The following PPEF1 variants were observed in gnomAD, a reference collection of about 807,000 sequenced individuals.
PPEF1 encodes the protein protein phosphatase with EF-hand domain 1.
A neutral mutation model predicts 53.3 loss-of-function variants in PPEF1; 12 were observed. The observed-to-expected ratio is 0.23, with a 90% confidence interval of 0.14 to 0.36. The LOEUF is 0.36. Ranked by LOEUF, PPEF1 falls within the 10% of genes least tolerant of loss-of-function variation. The pLI is 1.00. For synonymous variants in PPEF1, 165 were observed against 176.7 expected (o/e 0.93, Z 0.52); for missense variants, 334 against 490.4 (o/e 0.68, Z 3.01).
At chrX:18,812,806 T>G (rs1464970513) in intron 12 of PPEF1, among the ~76,000 whole-genome samples, 1 of 111,068 alleles carries the variant, frequency 9.0e-6, no homozygotes, top group Non-Finnish European at 1.9e-5. Context: ...TCTCACTCAG[T>G]CACCCAGGCT....
Position 18,761,582 on chromosome X carries a change from T to C in PPEF1, c.558+6T>C. 8.4e-7 allele frequency: 1 copy of C among 1,197,320 alleles called. No individual in the cohort carries two copies. Among genetic ancestry groups the C allele is most frequent in the Non-Finnish European group, 1.1e-6 (1 of 882,701 alleles). ...TTTTTTTGATCTTCTACAAGGTAAA[T>C]GATGATTTTGCTAAATATTAACATT... On this transcript the variant is annotated splice_donor_region_variant and intron_variant, in intron 6 of 15. Transcript: ENST00000470157.
intron 3 of PPEF1, chrX:18,688,890 G>T (rs1242149689): frequency 9.0e-6 from 1 of 111,535 alleles, no homozygotes; most frequent in Non-Finnish European, 1.9e-5. Context: ...ACAGTTGGTT[G>T]AGTTTATCCA....
chrX:18,795,265 G>GCACGAT (rs933017057), intron 10 of PPEF1, among the ~76,000 whole-genome samples: 11 of 112,234 alleles, frequency 9.8e-5, no homozygotes, highest in African/African-American at 3.6e-4. Context: ...AGCTGAGATC[G>GCACGAT]TGCCACTGCA....
chrX:18,722,599 A>AAATG (rs1170779529), intron 1 of PPEF1, among the ~76,000 whole-genome samples: 1 of 112,612 alleles, frequency 8.9e-6, no homozygotes, highest in Non-Finnish European at 1.9e-5. Context: ...ACAAAGTCTT[A>AAATG]ACTAAACAGT....
chrX:18,772,074 G>A (rs2045881407), intron 6 of PPEF1, among the ~76,000 whole-genome samples: 1 of 111,918 alleles, frequency 8.9e-6, no homozygotes, highest in African/African-American at 3.2e-5. Flanking sequence ...GCTTGAGCCT[G>A]GGAGGCAGAG....
chrX:18,717,069 T>A (rs1216978682), intron 1 of PPEF1, among the ~76,000 whole-genome samples: 1 of 95,489 alleles, frequency 1.0e-5, no homozygotes, highest in Admixed American at 1.1e-4. Flanking sequence ...CCTTTTTCCT[T>A]TTTTTTTTTT....
chrX:18,716,424 C>T (rs764943559), intron 1 of PPEF1, among the ~76,000 whole-genome samples: 69 of 104,364 alleles, frequency 6.6e-4, no homozygotes, highest in Non-Finnish European at 1.1e-3. Context: ...CCCAGCTCCT[C>T]GGGAGGCTGA....
intron 4 of PPEF1, among the ~76,000 whole-genome samples, chrX:18,755,578 A>C (rs757725501): frequency 6.8e-4 from 70 of 102,603 alleles, no homozygotes; most frequent in East Asian, 1.7e-3. Flanking sequence ...CCCAGCCCCC[A>C]AAAAAAGAGT....
In PPEF1 at chrX:18,816,595, C is replaced by T. The variant is rs927686049; in HGVS notation, c.1395-1444C>T. Among the ~76,000 whole-genome samples the T allele has an allele frequency of 2.7e-5, 3 of 111,376 alleles. No individual in the cohort carries two copies. In the Admixed American group the frequency reaches 2.9e-4, roughly 11 times the overall value. On this transcript the variant is annotated intron_variant, in intron 12 of 15. Coordinates refer to ENST00000470157, the MANE Select transcript of PPEF1 (RefSeq NM_001377996.1). The stretch of plus-strand genomic sequence containing the variant: ...GACTTCTCTTTCCATGTTGATTTTC[C>T]ACCTAGTTGTTTCATCCATTACTGA...
At chrX:18,683,734 C>G (rs533022626) in intron 1 of PPEF1, among the ~76,000 whole-genome samples, 2 of 111,849 alleles carry the variant, frequency 1.8e-5, no homozygotes, top group East Asian at 5.6e-4. Context: ...GGTATCCCCC[C>G]TTTTGCCCAT....
chrX:18,826,613 G>A (rs2047173810), intron 15 of PPEF1, among the ~76,000 whole-genome samples: 1 of 107,633 alleles, frequency 9.3e-6, no homozygotes. Context: ...TTTTAGTAGA[G>A]ATGGGGTTCT....
At position 18,806,619 on chromosome X, in the gene PPEF1, G is replaced by A. The variant is rs1184918017; in HGVS notation, c.1394+74G>A. ...TAGAACCAGTCCCACGTGACTAAGA[G>A]CAGCCACGTGAGTGAAGAGAGTCAT... On this transcript the variant is annotated intron_variant, in intron 12 of 15. Transcript: ENST00000470157. 3 of 952,192 alleles carry A rather than the reference G, an allele frequency of 3.2e-6. No homozygotes were observed. The African/African-American group carries it at 5.8e-5, about 19-fold the overall frequency. 78.5% of individuals were successfully genotyped at this position (952,192 alleles called of 1,213,427 possible).
intron 1 of PPEF1, among the ~76,000 whole-genome samples, chrX:18,677,932 T>G (rs1361187426): frequency 9.1e-6 from 1 of 109,856 alleles, no homozygotes; most frequent in Non-Finnish European, 1.9e-5. Flanking sequence ...TGGAGACGCT[T>G]TTGTTGGTTA....
rs771284448 is a variant in PPEF1, at chrX:18,730,239, G to A, written c.105G>A (p.Lys35=). The change falls in exon 2 of 16, where the codon AAG becomes AAA. Residue 35 remains lysine, a synonymous_variant. Coordinates refer to ENST00000470157, the MANE Select transcript of PPEF1 (RefSeq NM_001377996.1). ...NWYRGYKARL[K]ARQHYALTIF... is the part of the protein sequence containing the mutation. ...ACCGAGGTTACAAAGCTCGACTGAA[G>A]GCCAGACAACACTATGCCCTCACCA... is the stretch of plus-strand genomic sequence containing the variant. The A allele has an allele frequency of 1.1e-5, 13 of 1,209,454 alleles. No individual in the cohort carries two copies. Among genetic ancestry groups the A allele is most frequent in the African/African-American group, 1.7e-5 (1 of 57,755 alleles).
In PPEF1 at chrX:18,823,942, G is replaced by C. The variant is rs1332300177; in HGVS notation, c.1521G>C (p.Gln507His). 1 of 1,208,799 alleles carries C rather than the reference G, an allele frequency of 8.3e-7. No homozygotes were observed. ...TGTTAGGAAAACTTTCTGTGAGCCA[G>C]TGGGCTTTTTGCATGGAGAACATTT... Reference protein sequence around the residue: ...HRKSGKLSVSQWAFCMENILG... With the variant: ...HRKSGKLSVSHWAFCMENILG... The change falls in exon 14 of 16, where the codon CAG becomes CAC. Residue 507 changes from glutamine (Q) to histidine (H), a missense_variant. Gln to His is a conservative substitution (Grantham distance 24, BLOSUM62 0). Transcript: ENST00000470157.
At chrX:18,707,878 T>G in intron 1 of PPEF1, 52 bp downstream of exon 1, 1 of 1,067,871 alleles carries the variant, frequency 9.4e-7, no homozygotes, top group Non-Finnish European at 1.3e-6. Flanking sequence ...GAAAATGAGC[T>G]GCCCTCACCC....
At chrX:18,740,514 A>G (rs1373843078) in intron 3 of PPEF1, among the ~76,000 whole-genome samples, 1 of 108,164 alleles carries the variant, frequency 9.2e-6, no homozygotes, top group Non-Finnish European at 1.9e-5. Context: ...GATTCAGGTG[A>G]TTCTCCTGCC....
chrX:18,780,916 C>T (rs919295266), intron 7 of PPEF1, among the ~76,000 whole-genome samples: 1 of 110,095 alleles, frequency 9.1e-6, no homozygotes, highest in Non-Finnish European at 1.9e-5. Flanking sequence ...ATTAGCCGGG[C>T]ATAGTGGCGG....
chrX:18,720,769 C>T (rs946257450), intron 1 of PPEF1, among the ~76,000 whole-genome samples: 2 of 110,945 alleles, frequency 1.8e-5, no homozygotes, highest in African/African-American at 6.6e-5. Flanking sequence ...TCTCCACCCA[C>T]TCTGAGCCTC....
Sources: gnomAD v4.1 joint callset for allele counts (sites outside exome capture counted in the v4.1 genomes callset) on GRCh38, gnomAD v4.1.1 for gene constraint, MANE v1.5 for transcripts, NCBI Gene and HGNC (gene_info 2026-07-23, HGNC 2026-07-21) for gene names.